Variants in ZNF658 observed in about 807,000 individuals in gnomAD.
The protein encoded by ZNF658 is zinc finger protein 658.
Under a neutral mutation model 78.0 loss-of-function variants are expected in ZNF658, and 46 were observed. That is an observed-to-expected ratio of 0.59 (90% confidence interval 0.47 to 0.75). ZNF658 has a LOEUF of 0.75. Among genes scored for constraint, ZNF658 ranks in the 30% least tolerant of loss-of-function variants. ZNF658 has a pLI of 0.00. For missense variants in ZNF658, 785 were observed against 1,189.3 expected (o/e 0.66, Z 5.00); for synonymous variants, 279 against 408.4 (o/e 0.68, Z 3.82).
intron 6 of ZNF658, among the ~76,000 whole-genome samples, chr9:66,930,810 C>CT (rs1348027919): frequency 6.6e-6 from 1 of 150,674 alleles, no homozygotes; most frequent in Non-Finnish European, 1.5e-5. Context: ...CAAATGAACT[C>CT]TGACTTCCTG....
In ZNF658 at chr9:66,920,039, C is replaced by T. The variant is rs750827237; in HGVS notation, c.2473C>T (p.Pro825Ser). 1.2e-6 allele frequency: 2 copies of T among 1,612,954 alleles called. No homozygotes were observed. The highest frequency in any genetic ancestry group is 1.3e-5 in the African/African-American group (1 of 74,822). Residue 825 changes from proline (P) to serine (S), a missense_variant, in exon 5 of 5, where the codon CCC becomes TCC. This residue lies in a region of ZNF658 where 58 missense variants were observed against 63.0 expected (regional missense o/e 0.92). Transcript: ENST00000621410. ...TCAAAGAATTCACACAGGGGAGAAACCCTATGAATGTAACCAATGTGGGAA... is the reference window on the plus strand; with the variant it reads ...TCAAAGAATTCACACAGGGGAGAAATCCTATGAATGTAACCAATGTGGGAA... ...VHQRIHTGEKPYECNQCGKTF... is the reference protein window; with the variant it reads ...VHQRIHTGEKSYECNQCGKTF...
chr9:66,927,410 C>A (rs893516454), intron 6 of ZNF658, among the ~76,000 whole-genome samples: 1 of 151,992 alleles, frequency 6.6e-6, no homozygotes, highest in African/African-American at 2.4e-5. Flanking sequence ...TGGGAATACA[C>A]GATGGTGCAT....
At chr9:66,909,291 A>G (rs1337330190) in intron 4 of ZNF658, among the ~76,000 whole-genome samples, 2 of 151,592 alleles carry the variant, frequency 1.3e-5, no homozygotes, top group South Asian at 4.2e-4. Context: ...ACCACAGTCT[A>G]CTTCTGTGTC....
intron 4 of ZNF658, among the ~76,000 whole-genome samples, chr9:66,910,744 C>T (rs572860048): frequency 1.1e-4 from 16 of 149,388 alleles, no homozygotes; most frequent in East Asian, 6.0e-4. Flanking sequence ...TGCAGTGAGC[C>T]GAGATAGCAC....
chr9:66,905,214 T>G (rs1282712552), intron 2 of ZNF658, among the ~76,000 whole-genome samples: 1 of 151,424 alleles, frequency 6.6e-6, no homozygotes, highest in Non-Finnish European at 1.5e-5. Flanking sequence ...TAGCTGGGAT[T>G]CCAGACATTC....
intron 6 of ZNF658, among the ~76,000 whole-genome samples, chr9:66,927,395 G>A (rs1822596092): frequency 6.6e-6 from 1 of 152,048 alleles, no homozygotes; most frequent in Non-Finnish European, 1.5e-5. Flanking sequence ...CTTGTACATT[G>A]TTTGTGGGAA....
chr9:66,920,570 GC>G lies in ZNF658; in HGVS notation c.3005del (p.Ala1002ValfsTer50). 1 of 1,289,210 alleles carries G rather than the reference GC, an allele frequency of 7.8e-7. No homozygotes were observed. The highest frequency in any genetic ancestry group is 1.1e-6 in the Non-Finnish European group (1 of 933,586). 79.9% of individuals were successfully genotyped at this position (1,289,210 alleles called of 1,614,324 possible). A position where few individuals can be genotyped will look rare whatever the true frequency, so the allele number is the denominator to read the frequency against. ...KPYECNECGKAFAQNSTLRVH... is the reference protein window; with the variant it reads ...KPYECNECGKXFAQNSTLRVH... ...CTATGAGTGTAATGAATGCGGAAAA[GC>G]TTTTGCCCAAAATTCAACTCTCAGA... On this transcript the variant is annotated frameshift_variant, in exon 5 of 5. Transcript: ENST00000621410. LOFTEE classifies it high-confidence loss of function.
At position 66,918,866 on chromosome 9, in the gene ZNF658, T is replaced by C; in HGVS notation, c.1300T>C (p.Tyr434His). The C allele has an allele frequency of 1.2e-6, 2 of 1,600,738 alleles. No individual in the cohort carries two copies. The highest frequency in any genetic ancestry group is 1.7e-6 in the Non-Finnish European group (2 of 1,171,080). The change falls in exon 5 of 5, where the codon TAT (tyrosine) becomes CAT (histidine). Residue 434 changes from tyrosine (Y) to histidine (H), a missense_variant. Around this residue, in one of 12 missense-constraint regions of ZNF658, gnomAD observed 393 missense variants for 400.2 expected, o/e 0.98. Transcript: ENST00000621410. Reference protein sequence around the residue: ...SSHPIQHPGTYVGFKLYECNE... With the variant: ...SSHPIQHPGTHVGFKLYECNE... ...ACATCCTATTCAGCATCCTGGAACT[T>C]ATGTGGGATTCAAACTTTATGAATG...
At chr9:66,908,035 A>C (rs1203331751) in intron 2 of ZNF658, among the ~76,000 whole-genome samples, 3 of 151,172 alleles carry the variant, frequency 2.0e-5, no homozygotes, top group Non-Finnish European at 4.4e-5. Flanking sequence ...TCTTACAAAA[A>C]CCTAGAATTC....
downstream of ZNF658, among the ~76,000 whole-genome samples, chr9:66,921,882 G>A (rs181636140): frequency 1.1e-3 from 158 of 149,810 alleles, no homozygotes; most frequent in Non-Finnish European, 1.8e-3. Flanking sequence ...CAAAGCTGTC[G>A]GACAGGGACA....
chr9:66,917,937 A>G lies in ZNF658; in HGVS notation c.371A>G (p.Asn124Ser). 6.2e-7 allele frequency: 1 copy of G among 1,611,144 alleles called. No individual in the cohort carries two copies. The stretch of plus-strand genomic sequence containing the variant: ...CAGAAAGTTTTAGAAAAACCATTTA[A>G]TCTGGAAATAGCTCCAGAGCTTTCA... ...EGQKVLEKPF[N>S]LEIAPELSEK... The change falls in exon 5 of 5, where the codon AAT becomes AGT. Residue 124 changes from asparagine to serine, a missense_variant. Asn to Ser is a conservative substitution (Grantham distance 46, BLOSUM62 1). This residue lies in a region of ZNF658 where 54 missense variants were observed against 48.9 expected (regional missense o/e 1.10). Coordinates refer to ENST00000621410, the MANE Select transcript of ZNF658 (RefSeq NM_033160.7).
At position 66,918,281 on chromosome 9, in the gene ZNF658, G is replaced by A. The variant is rs1474417100; in HGVS notation, c.715G>A (p.Gly239Arg). The change falls in exon 5 of 5, where the codon GGA becomes AGA. Residue 239 changes from glycine to arginine, a missense_variant. By Grantham distance (125) the Gly-to-Arg change is moderately radical (BLOSUM62 -2). Coordinates refer to ENST00000621410, the MANE Select transcript of ZNF658 (RefSeq NM_033160.7). ...ICITPQSFLT[G>R]EKSCKDDEFR... is the part of the protein sequence containing the mutation. ...TATTACACCTCAGAGTTTTCTAACA[G>A]GAGAAAAGTCCTGTAAGGATGATGA... 2 of 1,613,682 alleles carry A rather than the reference G, an allele frequency of 1.2e-6. No homozygotes were observed. The highest frequency in any genetic ancestry group is 1.7e-6 in the Non-Finnish European group (2 of 1,179,760).
At position 66,918,456 on chromosome 9, in the gene ZNF658, A is replaced by C; in HGVS notation, c.890A>C (p.Tyr297Ser). Residue 297 changes from tyrosine to serine, a missense_variant, in exon 5 of 5, where the codon TAT (tyrosine) becomes TCT (serine). Tyr to Ser is a moderately radical substitution (Grantham distance 144). Coordinates refer to ENST00000621410, the MANE Select transcript of ZNF658 (RefSeq NM_033160.7). The part of the protein sequence containing the change: ...YNKVHMAMTH[Y>S]ECNERGINFS... ...AAAGTTCACATGGCTATGACACACTATGAGTGTAATGAAAGGGGGATTAAT... is the reference window on the plus strand; with the variant it reads ...AAAGTTCACATGGCTATGACACACTCTGAGTGTAATGAAAGGGGGATTAAT... The C allele has an allele frequency of 6.2e-7, 1 of 1,607,698 alleles. No homozygotes were observed. Among genetic ancestry groups the C allele is most frequent in the Non-Finnish European group, 8.5e-7 (1 of 1,174,434 alleles).
chr9:66,901,507 T>TA (rs1453491139), intron 1 of ZNF658, among the ~76,000 whole-genome samples: 3 of 151,532 alleles, frequency 2.0e-5, no homozygotes, highest in Non-Finnish European at 4.4e-5. Flanking sequence ...AAGTGGTAGA[T>TA]ACATTCTGCG....
intron 2 of ZNF658, among the ~76,000 whole-genome samples, chr9:66,907,685 A>G (rs1822110421): frequency 6.6e-6 from 1 of 152,250 alleles, no homozygotes; most frequent in African/African-American, 2.4e-5. Context: ...GCTGTACAAG[A>G]AAGTATTGTA....
chr9:66,924,240 T>C (rs1453188198), downstream of ZNF658: 3 of 428,282 alleles, frequency 7.0e-6, no homozygotes, highest in Non-Finnish European at 1.4e-5. Flanking sequence ...GTCTGTCATG[T>C]TGGTATCTTA....
rs1822510278 is a variant in ZNF658, at chr9:66,920,892, A to G, written c.*146A>G. On this transcript the variant is annotated 3_prime_UTR_variant, in exon 5 of 5. Transcript: ENST00000621410. ...TATGCCGTTTATTCAGGTGGGGCTG[A>G]CCATGGGATGTGGTGCTAATGATAA... 3 of 769,926 alleles carry G rather than the reference A, an allele frequency of 3.9e-6. No individual in the cohort carries two copies. The South Asian group carries it at 5.0e-5, about 13-fold the overall frequency. The allele number at this position is 769,926 out of a possible 1,614,324, so 47.7% of individuals were successfully genotyped here.
intron 1 of ZNF658, among the ~76,000 whole-genome samples, chr9:66,901,397 T>G (rs1463532906): frequency 1.3e-5 from 2 of 152,042 alleles, no homozygotes; most frequent in Non-Finnish European, 2.9e-5. Context: ...AAACCCAGAC[T>G]TGCCAGTACC....
At chr9:66,914,081 TA>T (rs1822277438) in intron 4 of ZNF658, among the ~76,000 whole-genome samples, 1 of 151,402 alleles carries the variant, frequency 6.6e-6, no homozygotes, top group South Asian at 2.1e-4. Flanking sequence ...TGTTGGCATT[TA>T]AACTGGAGTG....
Sources: gnomAD v4.1 joint callset for allele counts (sites outside exome capture counted in the v4.1 genomes callset) on GRCh38, gnomAD v4.1.1 for gene constraint, gnomAD v4.1.1 regional missense constraint, MANE v1.5 for transcripts, NCBI Gene and HGNC (gene_info 2026-07-23, HGNC 2026-07-21) for gene names.